PURG: variants seen among roughly 807,000 people sequenced by gnomAD.
PURG encodes the protein purine-rich element-binding protein gamma.
PURG carries 3 observed loss-of-function variants against 24.3 expected under a neutral mutation model. The observed-to-expected ratio is 0.12, with a 90% confidence interval of 0.06 to 0.32. The LOEUF (loss-of-function observed/expected upper bound fraction) is 0.32, where lower values mean the gene tolerates loss of function less well. Ranked by LOEUF, PURG falls within the 10% of genes least tolerant of loss-of-function variation. The pLI is 1.00. For synonymous variants in PURG, 180 were observed against 173.1 expected (o/e 1.04, Z -0.31); for missense variants, 371 against 439.1 (o/e 0.84, Z 1.39).
chr8:31,021,939 G>A (rs1198647488), intron 1 of PURG, among the ~76,000 whole-genome samples: 1 of 151,166 alleles, frequency 6.6e-6, no homozygotes, highest in African/African-American at 2.4e-5. Flanking sequence ...TGGTCATGGT[G>A]AAACTTCTCT....
intron 1 of PURG, among the ~76,000 whole-genome samples, chr8:31,005,759 TTTTTC>T (rs917498980): frequency 1.2e-5 from 1 of 80,580 alleles, no homozygotes; most frequent in Non-Finnish European, 2.5e-5. Flanking sequence ...TTGCTTAGCA[TTTTTC>T]TTTTTTCTTT....
chr8:31,005,480 T>C (rs916882479), intron 1 of PURG, among the ~76,000 whole-genome samples: 1 of 150,396 alleles, frequency 6.6e-6, no homozygotes, highest in Non-Finnish European at 1.5e-5. Flanking sequence ...GAAAAATACA[T>C]GCAATTAACA....
intron 1 of PURG, among the ~76,000 whole-genome samples, chr8:31,004,192 G>A (rs62506069): frequency 6.6e-6 from 1 of 152,130 alleles, no homozygotes; most frequent in African/African-American, 2.4e-5. Flanking sequence ...ATGCAATCTG[G>A]ATGCTGCTCT....
intron 1 of PURG, among the ~76,000 whole-genome samples, chr8:31,006,648 T>C (rs1174716220): frequency 6.6e-6 from 1 of 152,192 alleles, no homozygotes; most frequent in African/African-American, 2.4e-5. Context: ...AATCCACCTA[T>C]AACATACAAA....
At chr8:31,015,783 C>G (rs1402871776) in intron 1 of PURG, among the ~76,000 whole-genome samples, 2 of 152,058 alleles carry the variant, frequency 1.3e-5, no homozygotes, top group Non-Finnish European at 2.9e-5. Context: ...GGGTGCAGTG[C>G]CTCATGCCTG....
At chr8:31,025,192 AATTT>A (rs1469390497) in intron 1 of PURG, among the ~76,000 whole-genome samples, 1 of 151,982 alleles carries the variant, frequency 6.6e-6, no homozygotes. Flanking sequence ...TGAAAAATAT[AATTT>A]ACCAGAAAGC....
intron 1 of PURG, among the ~76,000 whole-genome samples, chr8:31,008,680 T>C (rs1176210708): frequency 2.6e-5 from 4 of 152,238 alleles, no homozygotes; most frequent in African/African-American, 9.6e-5. Context: ...GTTATCAATA[T>C]AATTCCCTGA....
intron 1 of PURG, among the ~76,000 whole-genome samples, chr8:31,004,733 A>T (rs570002322): frequency 8.5e-5 from 13 of 152,374 alleles, no homozygotes; most frequent in African/African-American, 3.1e-4. Context: ...TAGTTTCTGA[A>T]GTCAAAGCAG....
chr8:30,997,402 T>C (rs1295892526), intron 1 of PURG, among the ~76,000 whole-genome samples: 4 of 151,790 alleles, frequency 2.6e-5, no homozygotes, highest in Admixed American at 1.3e-4. Flanking sequence ...GGTTAATATA[T>C]CTTGTTTTTA....
intron 1 of PURG, among the ~76,000 whole-genome samples, chr8:31,002,905 A>G (rs1253316031): frequency 6.6e-6 from 1 of 152,250 alleles, no homozygotes; most frequent in Non-Finnish European, 1.5e-5. Flanking sequence ...ATTAAAATTA[A>G]TTACTACAAC....
At chr8:31,017,850 T>A (rs576288024) in intron 1 of PURG, among the ~76,000 whole-genome samples, 23 of 152,334 alleles carry the variant, frequency 1.5e-4, no homozygotes, top group Non-Finnish European at 2.8e-4. Context: ...ATATTATAGA[T>A]GTTTCGACTT....
At chr8:31,025,855 T>C (rs1024125837), downstream of PURG, among the ~76,000 whole-genome samples, 3 of 152,054 alleles carry the variant, frequency 2.0e-5, no homozygotes, top group Non-Finnish European at 2.9e-5. Context: ...AGAGAGACAG[T>C]TTAGCTGTAC....
At chr8:31,022,369 T>A (rs1035947023) in intron 1 of PURG, among the ~76,000 whole-genome samples, 3 of 152,246 alleles carry the variant, frequency 2.0e-5, no homozygotes, top group Non-Finnish European at 4.4e-5. Context: ...ACCTTTCAGT[T>A]CATGTCATCC....
chr8:31,013,923 A>C (rs1019082373), intron 1 of PURG, among the ~76,000 whole-genome samples: 29 of 152,170 alleles, frequency 1.9e-4, no homozygotes, highest in Admixed American at 1.2e-3. Flanking sequence ...GGAGCGCTGA[A>C]AACAAAAAAA....
At chr8:30,998,547 T>C (rs953180401) in intron 1 of PURG, among the ~76,000 whole-genome samples, 9 of 151,796 alleles carry the variant, frequency 5.9e-5, no homozygotes, top group African/African-American at 1.7e-4. Context: ...CATTCTTTTG[T>C]AGTTCTTATT....
chr8:31,007,450 TTGAAAA>T (rs1468061120), intron 1 of PURG, among the ~76,000 whole-genome samples: 1 of 152,120 alleles, frequency 6.6e-6, no homozygotes. Context: ...TGTTTTCAAC[TTGAAAA>T]TAAAGAGGTG....
At chr8:30,996,505 T>C in exon 2 of PURG, 1 of 922,372 alleles carries the variant, frequency 1.1e-6, no homozygotes, top group Non-Finnish European at 1.7e-6. Flanking sequence ...GAATGTCAAG[T>C]ACTGAGGCCT....
chr8:31,008,372 G>A (rs951727392), intron 1 of PURG, among the ~76,000 whole-genome samples: 2 of 152,044 alleles, frequency 1.3e-5, no homozygotes, highest in African/African-American at 4.8e-5. Flanking sequence ...ATCTCGGCTC[G>A]CTGCCACTGC....
rs373176007 is a variant in PURG at position 31,017,630 on chromosome 8, G to T, written c.864+14289C>A. On this transcript the variant is annotated intron_variant, in intron 1 of 1. Coordinates refer to the PURG transcript ENST00000339382. The stretch of plus-strand genomic sequence containing the variant: ...TATCACAAGAAAGCACAGATGATTA[G>T]AAGAAGTGACAAGAAAAAAGTGGAC... Among the ~76,000 whole-genome samples the T allele has an allele frequency of 9.2e-5, 14 of 152,200 alleles. No homozygotes were observed. The East Asian group carries it at 1.2e-3, about 13-fold the overall frequency.
Sources: allele counts gnomAD v4.1 joint callset (sites outside exome capture counted in the v4.1 genomes callset), GRCh38; gene constraint gnomAD v4.1.1; transcripts MANE v1.5; gene names NCBI Gene and HGNC (gene_info 2026-07-23, HGNC 2026-07-21).